The following RRBP1 variants were observed in gnomAD, a reference collection of about 807,000 sequenced individuals.
RRBP1 encodes ribosome binding protein 1, also known as ribosome-binding protein 1.
A neutral mutation model predicts 165.2 loss-of-function variants in RRBP1; 94 were observed. That is an observed-to-expected ratio of 0.57 (90% CI 0.48 to 0.68). The LOEUF is 0.68. RRBP1 is among the 30% of genes least tolerant of loss of function. The pLI is 0.00. For missense variants in RRBP1, 1,676 were observed against 1,763.0 expected (o/e 0.95, Z 0.88); for synonymous variants, 680 against 714.5 (o/e 0.95, Z 0.77).
chr20:17,649,754 C>T (rs2036523742), intron 3 of RRBP1, among the ~76,000 whole-genome samples: 1 of 152,104 alleles, frequency 6.6e-6, no homozygotes, highest in Non-Finnish European at 1.5e-5. Context: ...GATTGCAGAA[C>T]ACGACTTGGG....
At position 17,633,358 on chromosome 20, in the gene RRBP1, G is replaced by A. The variant is rs146438764; in HGVS notation, c.2610+102C>T. ...ATCTGTCCCAGTCAAGGCTAGAAAC[G>A]GGTGCCCAGTGTGGCACGGCCAGCC... On this transcript the variant is annotated intron_variant, in intron 8 of 24. Transcript: ENST00000377813. The A allele has an allele frequency of 8.0e-4, 1,006 of 1,264,262 alleles. 7 individuals are homozygous for A. The African/African-American group carries it at 0.013, about 17-fold the overall frequency. 78.3% of individuals were successfully genotyped at this position (1,264,262 alleles called of 1,614,324 possible).
Position 17,629,952 on chromosome 20 carries a change from T to C in RRBP1, c.2620A>G (p.Arg874Gly). 1.3e-6 allele frequency: 2 copies of C among 1,595,614 alleles called. No individual in the cohort carries two copies. Among genetic ancestry groups the C allele is most frequent in the South Asian group, 1.1e-5 (1 of 90,770 alleles). The change falls in exon 9 of 25, where the codon AGG becomes GGG. Residue 874 changes from arginine (R) to glycine (G), a missense_variant. Transcript: ENST00000377813. ...TTCTGCAGGGCCTCCTCACTCTCCC[T>C]GTGGGACGCCTGGGGACGGGCAGGG... ...KQVLQLQASH[R>G]ESEEALQKRL...
In RRBP1 at chr20:17,643,584, T is replaced by C. The variant is rs996458446; in HGVS notation, c.1913-457A>G. 6.0e-4 allele frequency among the ~76,000 whole-genome samples: 91 copies of C among 152,046 alleles called. No individual in the cohort carries two copies. Among genetic ancestry groups the C allele is most frequent in the Admixed American group, 5.8e-3 (89 of 15,292 alleles). ...TTGTGGGACCTGACTGGGCAGCGAA[T>C]TTACCGTCCACCACACACAGACACC... On this transcript the variant is annotated intron_variant, in intron 3 of 24. Coordinates refer to ENST00000377813, the MANE Select transcript of RRBP1 (RefSeq NM_001365613.2). This position sits in a 1 kb window ranked among gnomAD's most constrained non-coding sequence, Gnocchi z 4.3.
intron 2 of RRBP1, among the ~76,000 whole-genome samples, chr20:17,661,981 G>A (rs1231812387): frequency 1.3e-5 from 2 of 152,144 alleles, no homozygotes; most frequent in African/African-American, 2.4e-5. Context: ...AATCACTCTC[G>A]GCCGGGCGCG....
At chr20:17,615,568 T>G in intron 22 of RRBP1, 39 bp from the exon 23 acceptor site, 1 of 1,535,018 alleles carries the variant, frequency 6.5e-7, no homozygotes, top group Non-Finnish European at 8.8e-7. Context: ...TGAGACGTCT[T>G]ATAAACGGCT....
At chr20:17,627,943 T>C (rs770568917) in intron 9 of RRBP1, among the ~76,000 whole-genome samples, 1 of 152,174 alleles carries the variant, frequency 6.6e-6, no homozygotes, top group Admixed American at 6.5e-5. Flanking sequence ...GAGAAAATGA[T>C]AGAGAGTGGA....
Position 17,671,861 on chromosome 20 carries a change from C to T in RRBP1, c.-22+8138G>A, listed in dbSNP as rs73898391. 9.5e-3 allele frequency among the ~76,000 whole-genome samples: 1,444 copies of T among 152,236 alleles called. 15 individuals are homozygous for T. The highest frequency in any genetic ancestry group is 0.032 in the African/African-American group (1,319 of 41,528). ...TTTTTAATGTCATTTACCTCTTGTC[C>T]AGGCCATCCAGCAAGTTAGAAGACC... On this transcript the variant is annotated intron_variant, in intron 2 of 24. Transcript: ENST00000377813.
At chr20:17,663,598 C>T (rs1176388815) in intron 2 of RRBP1, among the ~76,000 whole-genome samples, 1 of 152,216 alleles carries the variant, frequency 6.6e-6, no homozygotes, top group Admixed American at 6.5e-5. Context: ...AATACCACCA[C>T]GGACAGCAAA....
In RRBP1 at chr20:17,643,477, T is replaced by C. The variant is rs1201236180; in HGVS notation, c.1913-350A>G. Among the ~76,000 whole-genome samples, 1 of 152,092 alleles carries C rather than the reference T, an allele frequency of 6.6e-6. No individual in the cohort carries two copies. Among genetic ancestry groups the C allele is most frequent in the Non-Finnish European group, 1.5e-5 (1 of 68,020 alleles). On this transcript the variant is annotated intron_variant, in intron 3 of 24. Transcript: ENST00000377813. The surrounding 1 kb of genome is among the most constrained non-coding windows in gnomAD (Gnocchi z 4.3). Reference sequence around the variant, plus strand: ...TAGGCTTTTCTCCCTTCCTTTTTTTTCTCGCAAATGCACTGGTCCTGTTCT... The same window carrying C: ...TAGGCTTTTCTCCCTTCCTTTTTTTCCTCGCAAATGCACTGGTCCTGTTCT...
intron 5 of RRBP1, among the ~76,000 whole-genome samples, chr20:17,638,506 G>T (rs1043585616): frequency 6.6e-6 from 1 of 152,158 alleles, no homozygotes; most frequent in African/African-American, 2.4e-5. Flanking sequence ...GCGTCCCAAG[G>T]CCGCCAGGAT....
At chr20:17,655,571 T>C (rs527288160) in intron 3 of RRBP1, among the ~76,000 whole-genome samples, 27 of 152,320 alleles carry the variant, frequency 1.8e-4, no homozygotes, top group African/African-American at 6.5e-4. Context: ...CTGCACTGTG[T>C]CTGGGTGAGC....
intron 13 of RRBP1, chr20:17,623,380 C>CT (rs1207554830): frequency 6.6e-6 from 1 of 152,296 alleles, no homozygotes; most frequent in African/African-American, 2.4e-5. Flanking sequence ...AGTGGAGGCC[C>CT]TTTCATGAGG....
intron 2 of RRBP1, among the ~76,000 whole-genome samples, chr20:17,670,239 A>G (rs940179831): frequency 6.6e-6 from 1 of 152,214 alleles, no homozygotes; most frequent in African/African-American, 2.4e-5. Context: ...ACGTTAAACC[A>G]AGTTTGAATT....
chr20:17,648,176 CG>C (rs2036498203), intron 3 of RRBP1, among the ~76,000 whole-genome samples: 2 of 152,196 alleles, frequency 1.3e-5, no homozygotes, highest in African/African-American at 2.4e-5. Context: ...GGACGCAAGA[CG>C]CTCTCTAGGG....
chr20:17,640,751 G>A (rs2036339012), intron 5 of RRBP1, among the ~76,000 whole-genome samples: 1 of 152,204 alleles, frequency 6.6e-6, no homozygotes, highest in Admixed American at 6.5e-5. Context: ...GGCCATCTAA[G>A]GTGTGTCTTC....
At position 17,648,957 on chromosome 20, in the gene RRBP1, C is replaced by T. The variant is rs921629848; in HGVS notation, c.1913-5830G>A. Among the ~76,000 whole-genome samples the T allele has an allele frequency of 4.6e-5, 7 of 152,310 alleles. No individual in the cohort carries two copies. The South Asian group carries it at 6.2e-4, about 14-fold the overall frequency. ...TAATCCCAGGCTGTCTGACCACAGC[C>T]GTCTGGGGGCAGTGACCGGAGTCCC... On this transcript the variant is annotated intron_variant, in intron 3 of 24. Coordinates refer to ENST00000377813, the MANE Select transcript of RRBP1 (RefSeq NM_001365613.2).
chr20:17,657,723 C>T (rs917956396), intron 3 of RRBP1, among the ~76,000 whole-genome samples: 1 of 152,114 alleles, frequency 6.6e-6, no homozygotes, highest in Non-Finnish European at 1.5e-5. Flanking sequence ...GTAATATACA[C>T]TAAACAGATA....
chr20:17,667,793 A>G (rs1001314409), intron 2 of RRBP1, among the ~76,000 whole-genome samples: 2 of 152,206 alleles, frequency 1.3e-5, no homozygotes, highest in Non-Finnish European at 2.9e-5. Context: ...GGGTCTTGCC[A>G]AAGTACATCC....
chr20:17,655,675 A>T (rs1387100978), intron 3 of RRBP1, among the ~76,000 whole-genome samples: 1 of 152,200 alleles, frequency 6.6e-6, no homozygotes, highest in Non-Finnish European at 1.5e-5. Context: ...TCCTGAGGGG[A>T]GTCCAGGAGA....
Sources: gnomAD v4.1 joint callset for allele counts (sites outside exome capture counted in the v4.1 genomes callset) on GRCh38, gnomAD v4.1.1 for gene constraint, Gnocchi (gnomAD v3.1) non-coding constraint, MANE v1.5 for transcripts, NCBI Gene and HGNC (gene_info 2026-07-23, HGNC 2026-07-21) for gene names.